Variants in TENT4A observed in about 807,000 individuals in gnomAD.
TENT4A encodes terminal nucleotidyltransferase 4A.
A neutral mutation model predicts 72.8 loss-of-function variants in TENT4A; 7 were observed. That is an observed-to-expected ratio of 0.10 (90% CI 0.05 to 0.18). TENT4A has a LOEUF of 0.18. Among genes scored for constraint, TENT4A ranks in the 10% least tolerant of loss-of-function variants. TENT4A has a pLI of 1.00. For synonymous variants in TENT4A, 456 were observed against 434.3 expected (o/e 1.05, Z -0.62); for missense variants, 831 against 1,017.7 (o/e 0.82, Z 2.50).
intron 5 of TENT4A, 24 bp downstream of exon 5, chr5:6,742,621 C>A (rs369613961): frequency 2.1e-6 from 3 of 1,409,950 alleles, no homozygotes; most frequent in Non-Finnish European, 3.0e-6. Context: ...TGACCCAGCG[C>A]GGCGAGAGTG....
rs760626895 is a variant in TENT4A, at chr5:6,754,995, G to A, written c.*50G>A. Reference sequence around the variant, plus strand: ...CCCACCCCTCTGCAGACTGCCCCGCGGCCTCGGCCACCGGCAGGGGAACCG... The same window carrying A: ...CCCACCCCTCTGCAGACTGCCCCGCAGCCTCGGCCACCGGCAGGGGAACCG... On this transcript the variant is annotated 3_prime_UTR_variant, in exon 13 of 13. Transcript: ENST00000230859. 33 of 1,469,022 alleles carry A rather than the reference G, an allele frequency of 2.2e-5. No homozygotes were observed. Among genetic ancestry groups the A allele is most frequent in the South Asian group, 4.3e-5 (3 of 70,176 alleles). The allele number at this position is 1,469,022 out of a possible 1,614,324, so 91.0% of individuals were successfully genotyped here.
Position 6,714,710 on chromosome 5 carries a change from G to T in TENT4A, c.716+11G>T. 2.5e-6 allele frequency: 3 copies of T among 1,183,558 alleles called. No individual in the cohort carries two copies. The highest frequency in any genetic ancestry group is 8.4e-5 in the South Asian group (2 of 23,726). 73.3% of individuals were successfully genotyped at this position (1,183,558 alleles called of 1,614,324 possible). A position where few individuals can be genotyped will look rare whatever the true frequency, so the allele number is the denominator to read the frequency against. ...CCCGGGCATCCAGGGGTGAGTGCGCGGGGAGGCCGCGGGGGCGGGGGCGGG... is the reference window on the plus strand; with the variant it reads ...CCCGGGCATCCAGGGGTGAGTGCGCTGGGAGGCCGCGGGGGCGGGGGCGGG... On this transcript the variant is annotated intron_variant, in intron 1 of 12. Transcript: ENST00000230859.
rs547007096 is a variant in TENT4A at position 6,751,032 on chromosome 5, G to A, written c.1861-7G>A. On this transcript the variant is annotated splice_region_variant and splice_polypyrimidine_tract_variant and intron_variant, in intron 10 of 12. Transcript: ENST00000230859. ...CTGTCCTTTTTGTTTTTTGTACCGG[G>A]TTCAAGGATTCAGACACACCGCCCT... is the stretch of plus-strand genomic sequence containing the variant. The A allele has an allele frequency of 9.2e-5, 149 of 1,613,694 alleles. 1 individual carries two copies. In the South Asian group the frequency reaches 1.5e-3, roughly 17 times the overall value.
chr5:6,753,526 C>T (rs1207789857), intron 12 of TENT4A, among the ~76,000 whole-genome samples: 1 of 152,224 alleles, frequency 6.6e-6, no homozygotes, highest in Non-Finnish European at 1.5e-5. Context: ...GGCATGCGTG[C>T]CCTTGTGGCT....
At position 6,754,732 on chromosome 5, in the gene TENT4A, T is replaced by C. The variant is rs775625647; in HGVS notation, c.2185-19T>C. The C allele has an allele frequency of 2.6e-6, 4 of 1,554,058 alleles. No individual in the cohort carries two copies. The highest frequency in any genetic ancestry group is 1.4e-5 in the African/African-American group (1 of 73,742). ...GCCTGCTGTCTGGCTCCAACACTGC[T>C]GTCTCTCTCTTTCTCCAGCAGCACA... is the stretch of plus-strand genomic sequence containing the variant. On this transcript the variant is annotated intron_variant, in intron 12 of 12. Coordinates refer to ENST00000230859, the MANE Select transcript of TENT4A (RefSeq NM_006999.6).
chr5:6,713,925 C>T lies in TENT4A; in HGVS notation c.-59C>T. 2 of 728,160 alleles carry T rather than the reference C, an allele frequency of 2.7e-6. No individual in the cohort carries two copies. The highest frequency in any genetic ancestry group is 3.3e-6 in the Non-Finnish European group (2 of 598,632). 45.1% of individuals were successfully genotyped at this position (728,160 alleles called of 1,614,324 possible). A position where few individuals can be genotyped will look rare whatever the true frequency, so the allele number is the denominator to read the frequency against. On this transcript the variant is annotated 5_prime_UTR_variant, in exon 1 of 13. Coordinates refer to ENST00000230859, the MANE Select transcript of TENT4A (RefSeq NM_006999.6). ...CGCGCGGCCGGGCCTCGGGGCGCGG[C>T]GGGGGCGGGGCCGCGTCGGGGCGGG...
At chr5:6,752,550 C>T (rs765677033) in intron 11 of TENT4A, among the ~76,000 whole-genome samples, 6 of 152,204 alleles carry the variant, frequency 3.9e-5, no homozygotes, top group Non-Finnish European at 8.8e-5. Context: ...CTGAGTTCAG[C>T]GTGTGAGTAG....
chr5:6,717,662 T>C (rs1740454898), intron 1 of TENT4A, among the ~76,000 whole-genome samples: 1 of 152,214 alleles, frequency 6.6e-6, no homozygotes, highest in Non-Finnish European at 1.5e-5. Flanking sequence ...TCTCAAGCCT[T>C]TGTTTTGGGA....
At chr5:6,733,592 C>T (rs899168683) in intron 1 of TENT4A, among the ~76,000 whole-genome samples, 40 of 152,216 alleles carry the variant, frequency 2.6e-4, no homozygotes, top group African/African-American at 9.2e-4. Flanking sequence ...TTTATGCAGA[C>T]GTCCTGCCAG....
chr5:6,743,417 T>C (rs1473196192), intron 5 of TENT4A, among the ~76,000 whole-genome samples: 1 of 152,270 alleles, frequency 6.6e-6, no homozygotes, highest in East Asian at 1.9e-4. Context: ...AACACTCCAG[T>C]GAACGCGCTG....
intron 1 of TENT4A, among the ~76,000 whole-genome samples, chr5:6,717,977 C>T (rs925930173): frequency 2.6e-5 from 4 of 152,220 alleles, no homozygotes; most frequent in African/African-American, 4.8e-5. Context: ...TGTAGTTGAA[C>T]GAGGACACAT....
intron 3 of TENT4A, 141 bp downstream of exon 3, chr5:6,738,870 G>A: frequency 1.5e-6 from 1 of 673,998 alleles, no homozygotes; most frequent in Non-Finnish European, 2.6e-6. Flanking sequence ...GTTACAGAGG[G>A]AAATTGGCAG....
chr5:6,741,912 T>G (rs1258160210), intron 4 of TENT4A, among the ~76,000 whole-genome samples: 2 of 152,210 alleles, frequency 1.3e-5, no homozygotes, highest in Non-Finnish European at 2.9e-5. Context: ...ATGAGTGTGG[T>G]CTGGACAGTT....
intron 6 of TENT4A, 191 bp from the exon 7 acceptor site, chr5:6,746,023 G>A (rs2126647572): frequency 1.4e-6 from 2 of 1,438,382 alleles, no homozygotes; most frequent in South Asian, 2.9e-5. Context: ...AGATGAGTCC[G>A]TTGTGTTCCT....
chr5:6,754,083 G>T (rs1444043258), intron 12 of TENT4A, among the ~76,000 whole-genome samples: 1 of 152,336 alleles, frequency 6.6e-6, no homozygotes, highest in South Asian at 2.1e-4. Context: ...GGCTGCTGAG[G>T]GCGAGAGCGC....
chr5:6,750,369 A>G lies in TENT4A; in HGVS notation c.1726A>G (p.Asn576Asp). 1 of 1,612,772 alleles carries G rather than the reference A, an allele frequency of 6.2e-7. No homozygotes were observed. Among genetic ancestry groups the G allele is most frequent in the Non-Finnish European group, 8.5e-7 (1 of 1,179,424 alleles). The change falls in exon 10 of 13, where the codon AAT becomes GAT. Residue 576 changes from asparagine (N) to aspartate (D), a missense_variant. Asn to Asp is a conservative substitution (Grantham distance 23). Coordinates refer to ENST00000230859, the MANE Select transcript of TENT4A (RefSeq NM_006999.6). ...IKIKERIATC[N>D]GEQTQNREPE... is the part of the protein sequence containing the mutation. ...GATCAAAGAGCGAATAGCCACATGC[A>G]ATGGGGAGCAGACGCAGAACCGAGA...
chr5:6,715,478 G>A (rs1275262795), intron 1 of TENT4A, among the ~76,000 whole-genome samples: 1 of 152,186 alleles, frequency 6.6e-6, no homozygotes, highest in Admixed American at 6.5e-5. Context: ...TGTTGACGCA[G>A]CCCCTTTGCC....
At chr5:6,739,948 T>C in intron 4 of TENT4A, 96 bp downstream of exon 4, 1 of 1,204,324 alleles carries the variant, frequency 8.3e-7, no homozygotes, top group Non-Finnish European at 1.2e-6. Context: ...TGTGGTATTT[T>C]ACACAGTTAT....
In TENT4A at chr5:6,727,836, ACAGCTCTGCTGTCTGTAT is replaced by A. The variant is rs749421231; in HGVS notation, c.717-9669_717-9652del. Among the ~76,000 whole-genome samples the A allele has an allele frequency of 9.9e-4, 151 of 152,170 alleles. 2 individuals carry two copies. Among genetic ancestry groups the A allele is most frequent in the Non-Finnish European group, 3.5e-4 (24 of 68,026 alleles). ...GGGGCCACATCTCATCATCCTGCCC[ACAGCTCTGCTGTCTGTAT>A]CAGCCAGGGTATGCTGTGCAGAGGC... On this transcript the variant is annotated intron_variant, in intron 1 of 12. Transcript: ENST00000230859.
Sources: allele counts gnomAD v4.1 joint callset (sites outside exome capture counted in the v4.1 genomes callset), GRCh38; gene constraint gnomAD v4.1.1; transcripts MANE v1.5; gene names NCBI Gene and HGNC (gene_info 2026-07-23, HGNC 2026-07-21).